Variants in DLG2 observed in about 807,000 individuals in gnomAD.
DLG2 encodes disks large homolog 2.
DLG2 carries 45 observed loss-of-function variants against 132.5 expected under a neutral mutation model. The ratio of observed to expected loss-of-function variants is 0.34; its 90% CI spans 0.27 to 0.44. DLG2 has a LOEUF of 0.44. Ranked by LOEUF, DLG2 falls within the 20% of genes least tolerant of loss-of-function variation. DLG2 has a pLI of 1.00. For synonymous variants in DLG2, 424 were observed against 419.6 expected (o/e 1.01, Z -0.13); for missense variants, 1,045 against 1,196.9 (o/e 0.87, Z 1.87).
chr11:85,512,232 C>G (rs1598136896), intron 3 of DLG2, among the ~76,000 whole-genome samples: 1 of 152,112 alleles, frequency 6.6e-6, no homozygotes, highest in East Asian at 1.9e-4. Flanking sequence ...GAACTCCAAC[C>G]TGGTGCAAAG....
intron 6 of DLG2, among the ~76,000 whole-genome samples, chr11:84,576,830 T>C (rs1027366040): frequency 3.3e-5 from 5 of 152,226 alleles, no homozygotes; most frequent in Non-Finnish European, 4.4e-5. Flanking sequence ...AAAACTGTTA[T>C]AGCTGCTTAC....
chr11:83,712,233 A>G (rs2085614822), intron 18 of DLG2, among the ~76,000 whole-genome samples: 1 of 152,222 alleles, frequency 6.6e-6, no homozygotes. Context: ...AGCACTATTC[A>G]CAATAGTAAA....
intron 3 of DLG2, among the ~76,000 whole-genome samples, chr11:85,293,382 T>C (rs1474462204): frequency 1.3e-5 from 2 of 152,126 alleles, no homozygotes; most frequent in Non-Finnish European, 2.9e-5. Flanking sequence ...CTGGGCAATA[T>C]AGTGAGACCT....
At chr11:85,149,145 A>G (rs181708234) in intron 5 of DLG2, among the ~76,000 whole-genome samples, 1 of 152,088 alleles carries the variant, frequency 6.6e-6, no homozygotes, top group Non-Finnish European at 1.5e-5. Flanking sequence ...TGTTTTGGCT[A>G]CTGTAGGCTT....
chr11:83,893,462 T>C (rs1406622092), intron 15 of DLG2, among the ~76,000 whole-genome samples: 1 of 152,214 alleles, frequency 6.6e-6, no homozygotes, highest in African/African-American at 2.4e-5. Flanking sequence ...TCGCTAGTTC[T>C]CTCTAAGGGC....
In DLG2 at chr11:84,775,433, C is replaced by G. The variant is rs1359455271; in HGVS notation, c.358-240702G>C. 3.9e-5 allele frequency among the ~76,000 whole-genome samples: 6 copies of G among 151,992 alleles called. No individual in the cohort carries two copies. In the East Asian group the frequency reaches 9.6e-4, roughly 24 times the overall value. On this transcript the variant is annotated intron_variant, in intron 6 of 27. Transcript: ENST00000376104. Reference sequence around the variant, plus strand: ...GCAGTCGCATTAGTGGGTATATATCCAAGAGAAAATAAATCATCCTACCAA... The same window carrying G: ...GCAGTCGCATTAGTGGGTATATATCGAAGAGAAAATAAATCATCCTACCAA...
chr11:85,019,122 T>C (rs2059817052), intron 6 of DLG2, among the ~76,000 whole-genome samples: 1 of 152,208 alleles, frequency 6.6e-6, no homozygotes, highest in African/African-American at 2.4e-5. Flanking sequence ...TGAACTTATG[T>C]ATGAATGAAA....
chr11:83,833,552 T>C (rs2055205315), intron 17 of DLG2, 62 bp downstream of exon 17: 1 of 1,501,002 alleles, frequency 6.7e-7, no homozygotes, highest in Non-Finnish European at 9.0e-7. Flanking sequence ...AATTGAAAGT[T>C]ATGACTTTTT....
At chr11:83,776,740 A>T (rs1341970089) in intron 18 of DLG2, among the ~76,000 whole-genome samples, 1 of 152,070 alleles carries the variant, frequency 6.6e-6, no homozygotes, top group African/African-American at 2.4e-5. Flanking sequence ...TACACTTCAG[A>T]TATCTTTCCC....
At chr11:84,682,377 T>C (rs1037159237) in intron 6 of DLG2, among the ~76,000 whole-genome samples, 19 of 152,280 alleles carry the variant, frequency 1.2e-4, no homozygotes, top group African/African-American at 4.3e-4. Flanking sequence ...GAAATTATCA[T>C]GGAAAAGAGC....
At chr11:83,818,413 T>G (rs2049727652) in intron 17 of DLG2, among the ~76,000 whole-genome samples, 1 of 152,198 alleles carries the variant, frequency 6.6e-6, no homozygotes. Flanking sequence ...TGGTGAGGTT[T>G]TGCCTTTTCT....
At chr11:83,554,491 A>G (rs2096473075) in intron 19 of DLG2, among the ~76,000 whole-genome samples, 1 of 152,216 alleles carries the variant, frequency 6.6e-6, no homozygotes, top group Non-Finnish European at 1.5e-5. Context: ...GGAGGCTGGT[A>G]TACAGATACA....
chr11:84,087,116 C>T (rs953653194), intron 10 of DLG2, among the ~76,000 whole-genome samples: 11 of 152,182 alleles, frequency 7.2e-5, no homozygotes, highest in African/African-American at 2.6e-4. Context: ...TGCTATGAAC[C>T]TTAGTGTACA....
intron 6 of DLG2, among the ~76,000 whole-genome samples, chr11:84,921,589 T>C (rs1312340991): frequency 1.3e-5 from 2 of 152,190 alleles, no homozygotes; most frequent in African/African-American, 2.4e-5. Context: ...AAAGGAACTT[T>C]GGACTTAAGT....
chr11:84,787,311 G>A (rs946199689), intron 6 of DLG2, among the ~76,000 whole-genome samples: 2 of 152,018 alleles, frequency 1.3e-5, no homozygotes, highest in African/African-American at 4.8e-5. Flanking sequence ...AGATTCCTAT[G>A]GTTTGAATTC....
chr11:83,649,587 G>GCTGATCAT (rs1274565913), intron 18 of DLG2, among the ~76,000 whole-genome samples: 1 of 152,128 alleles, frequency 6.6e-6, no homozygotes, highest in Non-Finnish European at 1.5e-5. Flanking sequence ...CAGTTTATGT[G>GCTGATCAT]CTGATCATTT....
chr11:84,067,027 T>A (rs1158055830), intron 10 of DLG2, among the ~76,000 whole-genome samples: 1 of 152,148 alleles, frequency 6.6e-6, no homozygotes, highest in Non-Finnish European at 1.5e-5. Context: ...GGAATTAGAC[T>A]GCATGCACTT....
chr11:83,532,424 A>G (rs959249280), intron 21 of DLG2, among the ~76,000 whole-genome samples: 1 of 152,054 alleles, frequency 6.6e-6, no homozygotes, highest in African/African-American at 2.4e-5. Flanking sequence ...AGAAACAAAA[A>G]CCACCTAAAC....
At chr11:84,200,282 A>C (rs1368575860) in intron 8 of DLG2, among the ~76,000 whole-genome samples, 2 of 152,276 alleles carry the variant, frequency 1.3e-5, no homozygotes, top group South Asian at 2.1e-4. Flanking sequence ...GCACCAAATA[A>C]AACACTGAAG....
Sources: allele counts gnomAD v4.1 joint callset (sites outside exome capture counted in the v4.1 genomes callset), GRCh38; gene constraint gnomAD v4.1.1; transcripts MANE v1.5; gene names NCBI Gene and HGNC (gene_info 2026-07-23, HGNC 2026-07-21).